Variants in TLE3 observed in about 807,000 individuals in gnomAD.
The protein encoded by TLE3 is transducin-like enhancer protein 3.
Under a neutral mutation model 93.0 loss-of-function variants are expected in TLE3, and 14 were observed. The observed-to-expected ratio is 0.15, with a 90% confidence interval of 0.10 to 0.24. The LOEUF is 0.24. Ranked by LOEUF, TLE3 falls within the 10% of genes least tolerant of loss-of-function variation. TLE3 has a pLI of 1.00. For synonymous variants in TLE3, 451 were observed against 425.0 expected (o/e 1.06, Z -0.75); for missense variants, 693 against 1,046.6 (o/e 0.66, Z 4.66).
chr15:70,054,891 C>CAA, intron 15 of TLE3, 158 bp downstream of exon 15: 1 of 1,269,526 alleles, frequency 7.9e-7, no homozygotes, highest in Non-Finnish European at 1.1e-6. Flanking sequence ...GCCCCACACA[C>CAA]AGAAGGCACA....
At chr15:70,070,711 GC>G (rs1303010427) in intron 6 of TLE3, among the ~76,000 whole-genome samples, 1 of 152,150 alleles carries the variant, frequency 6.6e-6, no homozygotes, top group Non-Finnish European at 1.5e-5. Flanking sequence ...AGCAACCAGA[GC>G]CCAGACTCAA....
chr15:70,051,290 G>T, intron 19 of TLE3, 101 bp downstream of exon 19: 1 of 1,225,190 alleles, frequency 8.2e-7, no homozygotes, highest in Non-Finnish European at 1.1e-6. Flanking sequence ...CCTGGCTCCA[G>T]GCTCCTCCTG....
chr15:70,071,104 T>C (rs1595928108), intron 6 of TLE3, among the ~76,000 whole-genome samples: 1 of 152,180 alleles, frequency 6.6e-6, no homozygotes, highest in Admixed American at 6.5e-5. Context: ...AAATGGGTGA[T>C]ATATCGGCTC....
At chr15:70,063,842 T>C (rs547294601) in intron 8 of TLE3, among the ~76,000 whole-genome samples, 1 of 152,312 alleles carries the variant, frequency 6.6e-6, no homozygotes, top group South Asian at 2.1e-4. Context: ...CTGCTAGCAC[T>C]TTCTTAAATC....
intron 9 of TLE3, among the ~76,000 whole-genome samples, chr15:70,060,289 G>A (rs1206516297): frequency 1.3e-5 from 2 of 152,128 alleles, no homozygotes; most frequent in Non-Finnish European, 2.9e-5. Context: ...ACCCCATGGA[G>A]GCTAGGACGA....
intron 12 of TLE3, chr15:70,057,949 G>A (rs1343751954): frequency 1.2e-6 from 1 of 851,640 alleles, no homozygotes. Flanking sequence ...GCCCTGACCC[G>A]TCTGATGCTG....
intron 4 of TLE3, among the ~76,000 whole-genome samples, chr15:70,091,952 A>G (rs1047913985): frequency 6.6e-6 from 1 of 152,174 alleles, no homozygotes; most frequent in Non-Finnish European, 1.5e-5. Context: ...TCTATTATAT[A>G]AAAGTACAGA....
In TLE3 at chr15:70,097,200, C is replaced by G. The variant is rs958274415; in HGVS notation, c.-402G>C. ...GGGCCCCTCCTGGGGCGAGCTCGGG[C>G]CCCCTCCGGGTCACTCAGCGGGTCG... On this transcript the variant is annotated 5_prime_UTR_variant, in exon 1 of 20. Transcript: ENST00000451782. 4.9e-6 allele frequency: 2 copies of G among 408,858 alleles called. No homozygotes were observed. The highest frequency in any genetic ancestry group is 4.1e-5 in the African/African-American group (2 of 48,278). 25.3% of individuals were successfully genotyped at this position (408,858 alleles called of 1,614,324 possible).
chr15:70,095,782 C>T, intron 2 of TLE3, 141 bp from the exon 3 acceptor site: 5 of 1,038,264 alleles, frequency 4.8e-6, no homozygotes, highest in South Asian at 3.4e-5. Flanking sequence ...AGCCTGGGGA[C>T]GCGGGGGGAT....
chr15:70,059,271 GA>G, intron 10 of TLE3, 138 bp downstream of exon 10: 1 of 994,226 alleles, frequency 1.0e-6, no homozygotes, highest in East Asian at 2.7e-5. Flanking sequence ...GACCCCCTGA[GA>G]CCCCAAGACT....
chr15:70,064,458 C>G lies in TLE3; in HGVS notation c.590G>C (p.Ser197Thr), dbSNP rs1437703593. ...TTCCAGAGTGCCAACACTTACCGCACTGGATTCTCTCTCTTTGGGGAAAGA... is the reference window on the plus strand; with the variant it reads ...TTCCAGAGTGCCAACACTTACCGCAGTGGATTCTCTCTCTTTGGGGAAAGA... ...HELDHRERES[S>T]ANNSVSPSES... The change falls in exon 8 of 20, where the codon AGT becomes ACT. Residue 197 changes from serine to threonine, a missense_variant. This residue lies in a region of TLE3 where 405 missense variants were observed against 468.9 expected (regional missense o/e 0.86). Transcript: ENST00000451782. The G allele has an allele frequency of 2.5e-6, 4 of 1,613,946 alleles. No individual in the cohort carries two copies. The highest frequency in any genetic ancestry group is 3.4e-6 in the Non-Finnish European group (4 of 1,179,860).
chr15:70,081,791 T>G (rs2057791877), intron 4 of TLE3, among the ~76,000 whole-genome samples: 1 of 152,128 alleles, frequency 6.6e-6, no homozygotes. Context: ...GTGTGAAAGA[T>G]GAGATGAGGA....
chr15:70,057,280 C>A (rs891974597), intron 13 of TLE3, among the ~76,000 whole-genome samples, 179 bp downstream of exon 13: 2 of 152,180 alleles, frequency 1.3e-5, no homozygotes, highest in African/African-American at 4.8e-5. Context: ...GTCTGCTGGC[C>A]CCAAAGAGTG....
chr15:70,066,119 G>A lies in TLE3; in HGVS notation c.472C>T (p.Pro158Ser), dbSNP rs759305678. ...AGCCCGGAGCTGCTCCCTGTCACTGGGGGGATTCCTGGAGGCTGGAGACCT... is the reference window on the plus strand; with the variant it reads ...AGCCCGGAGCTGCTCCCTGTCACTGAGGGGATTCCTGGAGGCTGGAGACCT... ...PSGLQPPGIP[P>S]VTGSSSGLLA... is the part of the protein sequence containing the mutation. The change falls in exon 7 of 20, where the codon CCA becomes TCA. Residue 158 changes from proline to serine, a missense_variant. This residue lies in a region of TLE3 where 405 missense variants were observed against 468.9 expected (regional missense o/e 0.86). Transcript: ENST00000451782. 1.3e-6 allele frequency: 2 copies of A among 1,566,460 alleles called. No homozygotes were observed. Among genetic ancestry groups the A allele is most frequent in the Admixed American group, 3.7e-5 (2 of 54,706 alleles).
chr15:70,054,272 C>G (rs912935975), intron 16 of TLE3, 166 bp downstream of exon 16: 17 of 989,730 alleles, frequency 1.7e-5, no homozygotes, highest in Non-Finnish European at 2.3e-5. Flanking sequence ...CTGTCCCTCG[C>G]ATAAGGCAGG....
intron 18 of TLE3, among the ~76,000 whole-genome samples, chr15:70,052,063 T>C (rs961046233): frequency 6.6e-6 from 1 of 152,204 alleles, no homozygotes; most frequent in East Asian, 1.9e-4. Flanking sequence ...CCAAAGCAAG[T>C]GGTTGTAACC....
At chr15:70,051,621 T>G (rs1311102050) in intron 18 of TLE3, 154 bp from the exon 19 acceptor site, 18 of 215,072 alleles carry the variant, frequency 8.4e-5, no homozygotes, top group South Asian at 2.7e-4. Flanking sequence ...AAATGGGACA[T>G]GCGGACACCT....
chr15:70,073,021 C>T (rs916958270), intron 6 of TLE3, among the ~76,000 whole-genome samples: 1 of 152,200 alleles, frequency 6.6e-6, no homozygotes, highest in African/African-American at 2.4e-5. Context: ...CAGGCCAATG[C>T]TTGCATCCCC....
intron 16 of TLE3, chr15:70,053,603 A>C: frequency 5.1e-6 from 2 of 391,290 alleles, no homozygotes; most frequent in East Asian, 5.2e-5. Flanking sequence ...CCCCTGGGAA[A>C]TGGGGGGGGG....
Sources: gnomAD v4.1 joint callset for allele counts (sites outside exome capture counted in the v4.1 genomes callset) on GRCh38, gnomAD v4.1.1 for gene constraint, gnomAD v4.1.1 regional missense constraint, MANE v1.5 for transcripts, NCBI Gene and HGNC (gene_info 2026-07-23, HGNC 2026-07-21) for gene names.